The following DDX10 variants were observed in gnomAD, a reference collection of about 807,000 sequenced individuals.
DDX10 encodes DEAD-box helicase 10.
DDX10 carries 74 observed loss-of-function variants against 104.3 expected under a neutral mutation model. The observed-to-expected ratio is 0.71, with a 90% confidence interval of 0.59 to 0.86. DDX10 has a LOEUF of 0.86. DDX10 is among the 40% of genes least tolerant of loss of function. DDX10 has a pLI of 0.00. For missense variants in DDX10, 952 were observed against 1,040.0 expected, an observed-to-expected ratio of 0.92 and a Z score of 1.16; for synonymous variants, 351 against 353.4, an observed-to-expected ratio of 0.99 and a Z score of 0.08.
intron 13 of DDX10, among the ~76,000 whole-genome samples, chr11:108,825,759 A>G (rs978290263): frequency 1.3e-5 from 2 of 152,242 alleles, no homozygotes; most frequent in African/African-American, 4.8e-5. Flanking sequence ...TTTATAAACT[A>G]CAAGGAAAAT....
At chr11:108,853,573 G>A (rs2726924) in intron 16 of DDX10, among the ~76,000 whole-genome samples, 136,240 of 151,942 alleles carry the variant, frequency 0.9, 61,535 homozygotes, top group East Asian at 0.96. Flanking sequence ...GCTGTAAGAA[G>A]TTGCTATCAC....
At chr11:108,731,117 C>T (rs2134484835) in intron 13 of DDX10, among the ~76,000 whole-genome samples, 1 of 150,726 alleles carries the variant, frequency 6.6e-6, no homozygotes, top group South Asian at 2.1e-4. Context: ...AGTGGCCGAT[C>T]TTGGCTCACT....
chr11:108,915,313 T>C (rs188269006), intron 16 of DDX10, among the ~76,000 whole-genome samples: 2 of 152,278 alleles, frequency 1.3e-5, no homozygotes, highest in Admixed American at 1.3e-4. Flanking sequence ...TTGCTGATGC[T>C]AAAATTTGAG....
chr11:108,703,279 T>A (rs754827452), intron 9 of DDX10, among the ~76,000 whole-genome samples: 6 of 152,236 alleles, frequency 3.9e-5, no homozygotes, highest in Non-Finnish European at 5.9e-5. Context: ...AATTTATCGA[T>A]TTGAAATAAA....
chr11:108,931,320 T>C (rs1266774826), intron 17 of DDX10, among the ~76,000 whole-genome samples: 2 of 152,194 alleles, frequency 1.3e-5, no homozygotes, highest in African/African-American at 4.8e-5. Flanking sequence ...AATCTCTCCA[T>C]GAGGTAGATA....
intron 16 of DDX10, among the ~76,000 whole-genome samples, chr11:108,870,190 A>G (rs1863061336): frequency 6.6e-6 from 1 of 152,088 alleles, no homozygotes; most frequent in African/African-American, 2.4e-5. Context: ...ACTTTTTAAC[A>G]CTCCTGCTAT....
At chr11:108,759,082 A>G (rs913937554) in intron 13 of DDX10, among the ~76,000 whole-genome samples, 1 of 152,056 alleles carries the variant, frequency 6.6e-6, no homozygotes, top group Non-Finnish European at 1.5e-5. Context: ...TACAATCCAT[A>G]TGATCACTTC....
intron 16 of DDX10, among the ~76,000 whole-genome samples, chr11:108,897,772 T>C (rs1275911492): frequency 1.3e-5 from 2 of 151,992 alleles, no homozygotes; most frequent in Non-Finnish European, 2.9e-5. Flanking sequence ...TAAATACAAA[T>C]AAGGCAACTG....
intron 13 of DDX10, among the ~76,000 whole-genome samples, chr11:108,730,305 G>A (rs1206063452): frequency 6.6e-6 from 1 of 152,170 alleles, no homozygotes; most frequent in Non-Finnish European, 1.5e-5. Context: ...GACCTAGACA[G>A]GTTTTCCCTT....
chr11:108,856,647 G>T (rs774636725), intron 16 of DDX10, among the ~76,000 whole-genome samples: 7 of 151,950 alleles, frequency 4.6e-5, no homozygotes, highest in Non-Finnish European at 1.0e-4. Flanking sequence ...CTTTTTTGGT[G>T]CTAAAATATC....
intron 13 of DDX10, among the ~76,000 whole-genome samples, chr11:108,805,354 A>G (rs1254416870): frequency 6.6e-6 from 1 of 152,238 alleles, no homozygotes; most frequent in African/African-American, 2.4e-5. Flanking sequence ...CTATTCATTA[A>G]GATTTTCATA....
At chr11:108,670,554 T>C (rs1026415274) in intron 1 of DDX10, among the ~76,000 whole-genome samples, 7 of 152,164 alleles carry the variant, frequency 4.6e-5, no homozygotes, top group Non-Finnish European at 1.0e-4. Flanking sequence ...ATGGTGGGTC[T>C]AGAGGAGGCA....
At chr11:108,735,211 T>C (rs935860662) in intron 13 of DDX10, among the ~76,000 whole-genome samples, 3 of 152,196 alleles carry the variant, frequency 2.0e-5, no homozygotes, top group African/African-American at 7.2e-5. Flanking sequence ...CTTTGTTCTT[T>C]ACCATGAAAG....
chr11:108,825,699 A>G (rs1862386564), intron 13 of DDX10, among the ~76,000 whole-genome samples: 1 of 152,214 alleles, frequency 6.6e-6, no homozygotes, highest in South Asian at 2.1e-4. Flanking sequence ...TGCTCAATAT[A>G]TCATTGTATT....
At chr11:108,688,105 A>C (rs2094247209) in intron 6 of DDX10, among the ~76,000 whole-genome samples, 2 of 152,190 alleles carry the variant, frequency 1.3e-5, no homozygotes, top group Non-Finnish European at 1.5e-5. Flanking sequence ...GTAATTGTTC[A>C]TACTGCAAGT....
chr11:108,726,747 T>C (rs984339415), intron 13 of DDX10, among the ~76,000 whole-genome samples: 2 of 152,096 alleles, frequency 1.3e-5, no homozygotes, highest in Non-Finnish European at 2.9e-5. Flanking sequence ...AGAGTAGATA[T>C]TGCTGTGTTG....
chr11:108,836,108 C>T (rs968119655), intron 13 of DDX10, among the ~76,000 whole-genome samples: 7 of 152,262 alleles, frequency 4.6e-5, no homozygotes, highest in African/African-American at 1.7e-4. Context: ...ACCCTATTCT[C>T]CAGCCTCAAT....
chr11:108,732,331 AT>A (rs1274532348), intron 13 of DDX10, among the ~76,000 whole-genome samples: 2 of 152,140 alleles, frequency 1.3e-5, no homozygotes, highest in African/African-American at 4.8e-5. Context: ...AGTTAAACCT[AT>A]TTGTGATGCT....
chr11:108,778,439 G>A (rs571970337), intron 13 of DDX10, among the ~76,000 whole-genome samples: 14 of 152,276 alleles, frequency 9.2e-5, no homozygotes, highest in African/African-American at 3.4e-4. Context: ...AACAAGCAAT[G>A]GGGAAAGGAT....
Sources: gnomAD v4.1 joint callset for allele counts (sites outside exome capture counted in the v4.1 genomes callset) on GRCh38, gnomAD v4.1.1 for gene constraint, MANE v1.5 for transcripts, NCBI Gene and HGNC (gene_info 2026-07-23, HGNC 2026-07-21) for gene names.